PCNT: variants seen among roughly 807,000 people sequenced by gnomAD.
PCNT encodes pericentrin.
A neutral mutation model predicts 380.4 loss-of-function variants in PCNT; 319 were observed. The observed-to-expected ratio is 0.84, with a 90% CI of 0.77 to 0.92. The LOEUF (loss-of-function observed/expected upper bound fraction) is 0.92, where lower values mean the gene tolerates loss of function less well. Ranked by LOEUF, PCNT falls within the 40% of genes least tolerant of loss-of-function variation. The pLI, the probability that PCNT is intolerant of heterozygous loss-of-function variation, is 0.00. For missense variants in PCNT, 4,400 were observed against 4,255.3 expected, an observed-to-expected ratio of 1.03 and a Z score of -0.95; for synonymous variants, 1,845 against 1,735.2, an observed-to-expected ratio of 1.06 and a Z score of -1.57.
Position 46,357,202 on chromosome 21 carries a change from ACTC to A in PCNT, c.2154+13_2154+15del. On this transcript the variant is annotated intron_variant, in intron 13 of 46. Coordinates refer to ENST00000359568, the MANE Select transcript of PCNT (RefSeq NM_006031.6). ...GACGATTTGGAGAAGGTGAGTCGTGACTCCACAGCCCAGCGCCTCCCGCCCGAG... is the reference window on the plus strand; with the variant it reads ...GACGATTTGGAGAAGGTGAGTCGTGACACAGCCCAGCGCCTCCCGCCCGAG... 1 of 1,575,074 alleles carries A rather than the reference ACTC, an allele frequency of 6.3e-7. No homozygotes were observed. Among genetic ancestry groups the A allele is most frequent in the Non-Finnish European group, 8.7e-7 (1 of 1,144,420 alleles).
Position 46,346,883 on chromosome 21 carries a change from G to A in PCNT, c.861G>A (p.Arg287=). ...LTELREMLNS[R]RAQELALLQS... is the part of the protein sequence containing the mutation. ...AGCTGCGGGAGATGCTCAACAGCCG[G>A]CGTGCCCAGGAGCTGGCCCTGCTAC... Residue 287 remains arginine, a synonymous_variant, in exon 5 of 47, where the codon CGG becomes CGA. Transcript: ENST00000359568. 1.2e-6 allele frequency: 2 copies of A among 1,607,286 alleles called. No individual in the cohort carries two copies. The highest frequency in any genetic ancestry group is 1.7e-6 in the Non-Finnish European group (2 of 1,177,688).
intron 32 of PCNT, among the ~76,000 whole-genome samples, chr21:46,423,023 G>A (rs192322476): frequency 6.6e-5 from 10 of 152,278 alleles, no homozygotes; most frequent in Non-Finnish European, 1.5e-4. Flanking sequence ...TGAGACAGGA[G>A]GATCGTTGGA....
Position 46,425,845 on chromosome 21 carries a change from G to A in PCNT, c.7194G>A (p.Met2398Ile). 2 of 1,613,728 alleles carry A rather than the reference G, an allele frequency of 1.2e-6. No homozygotes were observed. Among genetic ancestry groups the A allele is most frequent in the Non-Finnish European group, 1.7e-6 (2 of 1,180,022 alleles). ...RPKHVKALLQMVRDESHQILA... is the reference protein window; with the variant it reads ...RPKHVKALLQIVRDESHQILA... ...TCCCGCCACAGGCTTTACTGCAGAT[G>A]GTGCGTGACGAGAGCCACCAGATCC... is the stretch of plus-strand genomic sequence containing the variant. Residue 2398 changes from methionine to isoleucine, a missense_variant, in exon 33 of 47, where the codon ATG becomes ATA. Met to Ile is a conservative substitution (Grantham distance 10). Coordinates refer to ENST00000359568, the MANE Select transcript of PCNT (RefSeq NM_006031.6). The surrounding 1 kb of genome is among the most constrained non-coding windows in gnomAD (Gnocchi z 4.2).
intron 26 of PCNT, 128 bp downstream of exon 26, chr21:46,401,849 CT>C (rs1000907399): frequency 1.1e-4 from 97 of 909,760 alleles, no homozygotes; most frequent in Non-Finnish European, 1.4e-4. Context: ...CTTTTCTTTT[CT>C]TTTTTTTGTT....
intron 4 of PCNT, 76 bp downstream of exon 4, chr21:46,346,284 G>T: frequency 4.2e-6 from 3 of 720,244 alleles, no homozygotes; most frequent in South Asian, 1.4e-5. Context: ...CATCCGGGTG[G>T]GGGTGGGGTG....
intron 15 of PCNT, 67 bp downstream of exon 15, chr21:46,367,206 CGT>C: frequency 1.5e-6 from 2 of 1,368,656 alleles, no homozygotes; most frequent in Non-Finnish European, 2.1e-6. Context: ...GTTTCCACCG[CGT>C]GTCACATGTC....
chr21:46,352,208 C>T (rs1439316387), intron 9 of PCNT, among the ~76,000 whole-genome samples: 2 of 152,236 alleles, frequency 1.3e-5, no homozygotes, highest in East Asian at 3.9e-4. Flanking sequence ...CCAACTTGTC[C>T]TTGTGGGTGG....
rs2085553288 is a variant in PCNT at position 46,381,809 on chromosome 21, A to T, written c.3281A>T (p.Gln1094Leu). The change falls in exon 16 of 47, where the codon CAG (glutamine) becomes CTG (leucine). Residue 1094 changes from glutamine (Q) to leucine (L), a missense_variant. Coordinates refer to ENST00000359568, the MANE Select transcript of PCNT (RefSeq NM_006031.6). The stretch of plus-strand genomic sequence containing the variant: ...GAGGAGAAAGAGTCTTTGTCTCTGC[A>T]GCTTCAAAAGAAGAATCACCAAGTC... ...HQEEKESLSL[Q>L]LQKKNHQVQQ... 6.2e-7 allele frequency: 1 copy of T among 1,614,136 alleles called. No homozygotes were observed. The highest frequency in any genetic ancestry group is 1.7e-5 in the Admixed American group (1 of 60,018).
chr21:46,388,680 T>G lies in PCNT; in HGVS notation c.3465-62T>G. On this transcript the variant is annotated intron_variant, in intron 17 of 46. Coordinates refer to ENST00000359568, the MANE Select transcript of PCNT (RefSeq NM_006031.6). This position sits in a 1 kb window ranked among gnomAD's most constrained non-coding sequence, Gnocchi z 4.2. ...ACTGGTGGGCGGCCCCTCAGCAGCA[T>G]CCAGGGTGGGGGTTCTTATGCCGTG... 6.2e-7 allele frequency: 1 copy of G among 1,604,164 alleles called. No individual in the cohort carries two copies. The highest frequency in any genetic ancestry group is 1.1e-5 in the South Asian group (1 of 90,918).
chr21:46,396,514 G>A (rs1202315693), intron 21 of PCNT, among the ~76,000 whole-genome samples: 1 of 152,214 alleles, frequency 6.6e-6, no homozygotes, highest in East Asian at 1.9e-4. Context: ...ACCTTTTCAA[G>A]GCCCTTCCAA....
intron 3 of PCNT, 73 bp from the exon 4 acceptor site, chr21:46,346,055 G>A (rs1391382835): frequency 1.3e-5 from 19 of 1,412,740 alleles, no homozygotes; most frequent in Non-Finnish European, 1.9e-5. Flanking sequence ...GACGTGCGTC[G>A]TCAGTTCTTG....
intron 33 of PCNT, among the ~76,000 whole-genome samples, chr21:46,426,916 A>G (rs2087532544): frequency 6.6e-6 from 1 of 152,334 alleles, no homozygotes; most frequent in South Asian, 2.1e-4. Context: ...TGGAACGCAC[A>G]GGGTGTGCTG....
rs559597453 is a variant in PCNT, at chr21:46,382,085, G to A, written c.3312+245G>A. ...ATGTTGTATATTCAGTGGCGGAAGC[G>A]CATTCATAGTGTTCTGCATTCAGTG... On this transcript the variant is annotated intron_variant, in intron 16 of 46. Coordinates refer to ENST00000359568, the MANE Select transcript of PCNT (RefSeq NM_006031.6). Among the ~76,000 whole-genome samples, 218 of 145,708 alleles carry A rather than the reference G, an allele frequency of 1.5e-3. 17 individuals are homozygous for A. Among genetic ancestry groups the A allele is most frequent in the Middle Eastern group, 0.011 (3 of 274 alleles).
Position 46,381,714 on chromosome 21 carries a change from GA to G in PCNT, c.3190del (p.Thr1064LeufsTer42). On this transcript the variant is annotated frameshift_variant, in exon 16 of 47. Transcript: ENST00000359568. LOFTEE classifies it high-confidence loss of function. ...TACAGGGTGAATTTGGAAGTGAAAAGAAAACTGCTTTGCATGAAAAAGAGGA... is the reference window on the plus strand; with the variant it reads ...TACAGGGTGAATTTGGAAGTGAAAAGAAACTGCTTTGCATGAAAAAGAGGA... Reference protein sequence around the residue: ...VHQGEFGSEKKTALHEKEETL... With the variant: ...VHQGEFGSEKXTALHEKEETL... The G allele has an allele frequency of 6.2e-7, 1 of 1,614,074 alleles. No homozygotes were observed. Among genetic ancestry groups the G allele is most frequent in the South Asian group, 1.1e-5 (1 of 91,080 alleles).
rs1319332744 is a variant in PCNT at position 46,354,073 on chromosome 21, T to C, written c.1761+5T>C. 8 of 1,613,348 alleles carry C rather than the reference T, an allele frequency of 5.0e-6. No individual in the cohort carries two copies. In the South Asian group the frequency reaches 5.5e-5, roughly 11 times the overall value. ...CTCGAGCCTGAGCGACATAAGGTAA[T>C]TGGCCGCGCGCTGAGAAGTGGGGGA... On this transcript the variant is annotated splice_donor_5th_base_variant and intron_variant, in intron 11 of 46. Coordinates refer to ENST00000359568, the MANE Select transcript of PCNT (RefSeq NM_006031.6).
At position 46,371,178 on chromosome 21, in the gene PCNT, G is replaced by T. The variant is rs911581614; in HGVS notation, c.3165+4039G>T. 1.5e-4 allele frequency among the ~76,000 whole-genome samples: 22 copies of T among 149,948 alleles called. No homozygotes were observed. In the East Asian group the frequency reaches 2.6e-3, roughly 18 times the overall value. ...TCTGAGGCTGCAGGAAAAAAAGAAAGAAATCTGCACACAGTATGGTTTATT... is the reference window on the plus strand; with the variant it reads ...TCTGAGGCTGCAGGAAAAAAAGAAATAAATCTGCACACAGTATGGTTTATT... On this transcript the variant is annotated intron_variant, in intron 15 of 46. Transcript: ENST00000359568.
At chr21:46,431,436 G>A (rs2087757637) in intron 37 of PCNT, 93 bp from the exon 38 acceptor site, 1 of 1,604,992 alleles carries the variant, frequency 6.2e-7, no homozygotes, top group Admixed American at 1.7e-5. Flanking sequence ...AGAATTGCTG[G>A]GCTAAAGTAT....
intron 38 of PCNT, among the ~76,000 whole-genome samples, chr21:46,434,657 C>T (rs1327067030): frequency 2.0e-5 from 3 of 152,254 alleles, no homozygotes; most frequent in African/African-American, 7.2e-5. Flanking sequence ...TTCTCCCGGG[C>T]ACCAGACATG....
In PCNT at chr21:46,399,811, T is replaced by A. The variant is rs1192428826; in HGVS notation, c.4791+15T>A. The A allele has an allele frequency of 6.2e-7, 1 of 1,611,188 alleles. No individual in the cohort carries two copies. Among genetic ancestry groups the A allele is most frequent in the South Asian group, 1.1e-5 (1 of 91,016 alleles). On this transcript the variant is annotated intron_variant, in intron 25 of 46. Transcript: ENST00000359568. ...GGCTGGAACAGGTAAAGCGTCTCCA[T>A]GTTGTGGTTGGGCACGTGGTGAGGT... is the stretch of plus-strand genomic sequence containing the variant.
Sources: allele counts gnomAD v4.1 joint callset (sites outside exome capture counted in the v4.1 genomes callset), GRCh38; gene constraint gnomAD v4.1.1; non-coding constraint Gnocchi (gnomAD v3.1); transcripts MANE v1.5; gene names NCBI Gene and HGNC (gene_info 2026-07-23, HGNC 2026-07-21).